Variants in TLN2 observed in about 807,000 individuals in gnomAD.
TLN2 encodes talin-2.
TLN2 carries 118 observed loss-of-function variants against 294.7 expected under a neutral mutation model. The ratio of observed to expected loss-of-function variants is 0.40; its 90% CI spans 0.34 to 0.47. TLN2 has a LOEUF of 0.47. TLN2 is among the 20% of genes least tolerant of loss of function. The pLI, the probability that TLN2 is intolerant of heterozygous loss-of-function variation, is 0.84. For synonymous variants in TLN2, 1,431 were observed against 1,304.5 expected, an observed-to-expected ratio of 1.10 and a Z score of -2.09; for missense variants, 3,083 against 3,282.2, an observed-to-expected ratio of 0.94 and a Z score of 1.48.
chr15:62,445,526 G>A (rs1293894743), intron 1 of TLN2, among the ~76,000 whole-genome samples: 1 of 152,142 alleles, frequency 6.6e-6, no homozygotes, highest in Non-Finnish European at 1.5e-5. Context: ...GCCTTACATA[G>A]TGTATAAGTA....
intron 54 of TLN2, among the ~76,000 whole-genome samples, chr15:62,827,224 C>A (rs2068300591): frequency 6.6e-6 from 1 of 152,140 alleles, no homozygotes; most frequent in Admixed American, 6.5e-5. Context: ...CATTCTCTTC[C>A]CCTGCCCAAC....
chr15:62,675,157 T>TC (rs1362998487), intron 10 of TLN2, 60 bp from the exon 11 acceptor site: 2 of 1,528,576 alleles, frequency 1.3e-6, no homozygotes, highest in South Asian at 1.1e-5. Context: ...ACTACCTCTC[T>TC]CCAAGTCCAC....
At chr15:62,746,362 C>T (rs1459164100) in intron 32 of TLN2, among the ~76,000 whole-genome samples, 1 of 152,152 alleles carries the variant, frequency 6.6e-6, no homozygotes, top group African/African-American at 2.4e-5. Context: ...CTCCGCAATC[C>T]TTGGAACTAG....
intron 1 of TLN2, among the ~76,000 whole-genome samples, chr15:62,499,531 G>T (rs1186397986): frequency 1.3e-5 from 2 of 152,166 alleles, no homozygotes; most frequent in African/African-American, 4.8e-5. Flanking sequence ...TGAGGGGAAA[G>T]GAGACAGGGC....
chr15:62,690,415 G>C (rs1173111925), intron 12 of TLN2: 2 of 170,930 alleles, frequency 1.2e-5, no homozygotes, highest in Non-Finnish European at 2.5e-5. Flanking sequence ...GACGATGGGC[G>C]GCCGGGCAGA....
At chr15:62,399,399 A>G (rs1400125515) in intron 1 of TLN2, among the ~76,000 whole-genome samples, 1 of 152,004 alleles carries the variant, frequency 6.6e-6, no homozygotes, top group Non-Finnish European at 1.5e-5. Flanking sequence ...CCCCACACAG[A>G]GTCCCCATTG....
chr15:62,455,226 G>T (rs142483330), intron 1 of TLN2, among the ~76,000 whole-genome samples: 170 of 152,210 alleles, frequency 1.1e-3, no homozygotes, highest in African/African-American at 3.8e-3. Context: ...GCAGGAGTGT[G>T]TAGGTCAGCA....
chr15:62,413,197 ACT>A (rs2033874588), intron 1 of TLN2, among the ~76,000 whole-genome samples: 1 of 152,004 alleles, frequency 6.6e-6, no homozygotes, highest in African/African-American at 2.4e-5. Flanking sequence ...GCCTTGGAAG[ACT>A]CTTTAGCAAA....
chr15:62,759,668 G>A (rs1168428963), intron 37 of TLN2, among the ~76,000 whole-genome samples: 1 of 152,200 alleles, frequency 6.6e-6, no homozygotes, highest in Non-Finnish European at 1.5e-5. Flanking sequence ...CAGGAAGGGC[G>A]AGCAGCACCA....
At chr15:62,729,032 G>A (rs983305179) in intron 28 of TLN2, among the ~76,000 whole-genome samples, 1 of 152,102 alleles carries the variant, frequency 6.6e-6, no homozygotes. Context: ...ATGTGCAGTA[G>A]GATTCATTTA....
chr15:62,839,788 T>G (rs2070384241), intron 58 of TLN2, among the ~76,000 whole-genome samples: 1 of 152,210 alleles, frequency 6.6e-6, no homozygotes, highest in Non-Finnish European at 1.5e-5. Flanking sequence ...ATGCGCTAAT[T>G]TCATGAGAAG....
intron 1 of TLN2, among the ~76,000 whole-genome samples, chr15:62,397,417 CTGGCTAATT>C (rs1435525067): frequency 6.6e-6 from 1 of 152,080 alleles, no homozygotes; most frequent in Non-Finnish European, 1.5e-5. Flanking sequence ...GCCACCATAC[CTGGCTAATT>C]TGTATTTGAT....
At chr15:62,772,667 AT>A (rs60889314) in intron 42 of TLN2, among the ~76,000 whole-genome samples, 81,557 of 129,148 alleles carry the variant, frequency 0.63, 22,680 homozygotes, top group Middle Eastern at 0.66. Context: ...TTATTTATTT[AT>A]TTTTTTTTTT....
At chr15:62,638,479 G>C (rs1479836994) in intron 3 of TLN2, 8 of 454,302 alleles carry the variant, frequency 1.8e-5, no homozygotes, top group Non-Finnish European at 3.5e-5. Context: ...GGGTAGGTTG[G>C]AGGGATCCTG....
chr15:62,675,107 A>C, intron 10 of TLN2, 110 bp from the exon 11 acceptor site: 1 of 962,260 alleles, frequency 1.0e-6, no homozygotes, highest in African/African-American at 1.6e-5. Flanking sequence ...ACCATCACTT[A>C]ATGATCATTC....
chr15:62,467,937 A>G (rs1040730343), intron 1 of TLN2, among the ~76,000 whole-genome samples: 2 of 152,122 alleles, frequency 1.3e-5, no homozygotes, highest in African/African-American at 4.8e-5. Context: ...TGGAGCAGAA[A>G]AGACACATCC....
intron 1 of TLN2, among the ~76,000 whole-genome samples, chr15:62,417,030 G>A (rs538701258): frequency 1.4e-4 from 22 of 152,242 alleles, no homozygotes; most frequent in Admixed American, 1.2e-3. Context: ...GATCTATTCC[G>A]CAGATCATCG....
intron 1 of TLN2, among the ~76,000 whole-genome samples, chr15:62,541,799 T>C (rs2041706679): frequency 6.6e-6 from 1 of 152,124 alleles, no homozygotes; most frequent in Non-Finnish European, 1.5e-5. Context: ...TGTGAGCCCA[T>C]AGACATTATT....
At chr15:62,812,691 G>C (rs566937401) in intron 52 of TLN2, among the ~76,000 whole-genome samples, 1 of 152,164 alleles carries the variant, frequency 6.6e-6, no homozygotes, top group African/African-American at 2.4e-5. Flanking sequence ...TGAGGTGTTG[G>C]ATCTGCTCAA....
Sources: allele counts gnomAD v4.1 joint callset (sites outside exome capture counted in the v4.1 genomes callset), GRCh38; gene constraint gnomAD v4.1.1; transcripts MANE v1.5; gene names NCBI Gene and HGNC (gene_info 2026-07-23, HGNC 2026-07-21).